Variants in CFAP97 observed in about 807,000 individuals in gnomAD.
CFAP97 encodes cilia- and flagella-associated protein 97.
Under a neutral mutation model 43.1 loss-of-function variants are expected in CFAP97, and 36 were observed. The observed-to-expected ratio is 0.84, with a 90% confidence interval of 0.64 to 1.10. The LOEUF (loss-of-function observed/expected upper bound fraction) is 1.10, where lower values mean the gene tolerates loss of function less well. Among genes scored for constraint, CFAP97 ranks in the 50% least tolerant of loss-of-function variants. The pLI, the probability that CFAP97 is intolerant of heterozygous loss-of-function variation, is 0.00. For synonymous variants in CFAP97, 228 were observed against 225.7 expected, an observed-to-expected ratio of 1.01 and a Z score of -0.09; for missense variants, 657 against 620.3, an observed-to-expected ratio of 1.06 and a Z score of -0.63.
chr4:185,206,096 T>C (rs550900327), upstream of CFAP97, among the ~76,000 whole-genome samples: 7 of 152,288 alleles, frequency 4.6e-5, no homozygotes, highest in South Asian at 1.5e-3. Context: ...TGGAAAATAG[T>C]ATGGCATGTT....
At chr4:185,210,057 C>A, upstream of CFAP97, 1 of 983,112 alleles carries the variant, frequency 1.0e-6, no homozygotes, top group Non-Finnish European at 1.2e-6. The surrounding 1 kb of genome is among the most constrained non-coding windows in gnomAD (Gnocchi z 4.4). Context: ...TGGGGCCCGG[C>A]AGCGGGGAGG....
intron 4 of CFAP97, 60 bp downstream of exon 4, chr4:185,163,969 T>C (rs995139455): frequency 6.7e-6 from 10 of 1,490,232 alleles, no homozygotes; most frequent in Middle Eastern, 1.8e-4. Flanking sequence ...ACATGTTACG[T>C]TTTTTTAAAA....
intron 1 of CFAP97, among the ~76,000 whole-genome samples, chr4:185,198,771 A>T (rs911235013): frequency 6.8e-6 from 1 of 147,820 alleles, no homozygotes; most frequent in Non-Finnish European, 1.5e-5. Context: ...CCTGGGCAAC[A>T]AGAGCGAAAC....
At chr4:185,171,891 C>T (rs1298359814) in intron 3 of CFAP97, among the ~76,000 whole-genome samples, 1 of 151,976 alleles carries the variant, frequency 6.6e-6, no homozygotes, top group Non-Finnish European at 1.5e-5. Flanking sequence ...CATGCATCAC[C>T]ACACCTGGCT....
chr4:185,182,831 G>A (rs982064120), intron 2 of CFAP97, among the ~76,000 whole-genome samples: 1 of 152,166 alleles, frequency 6.6e-6, no homozygotes, highest in Non-Finnish European at 1.5e-5. Context: ...TGGGCGTGGT[G>A]GCTCATGCCT....
chr4:185,202,751 C>T (rs1012229619), intron 1 of CFAP97, among the ~76,000 whole-genome samples: 3 of 152,126 alleles, frequency 2.0e-5, no homozygotes, highest in African/African-American at 7.2e-5. Flanking sequence ...GTGCATAGTC[C>T]GGTGCCTGTG....
chr4:185,180,231 A>G (rs1171450158), intron 2 of CFAP97, among the ~76,000 whole-genome samples: 4 of 152,156 alleles, frequency 2.6e-5, no homozygotes, highest in Non-Finnish European at 5.9e-5. Flanking sequence ...AAACCCTATC[A>G]GACAGGGCTA....
Position 185,170,060 on chromosome 4 carries a change from C to T in CFAP97, c.1320+5726G>A, listed in dbSNP as rs561417787. On this transcript the variant is annotated intron_variant, in intron 3 of 4. Coordinates refer to ENST00000458385, the MANE Select transcript of CFAP97 (RefSeq NM_020827.3). ...TCCACATAAGAGTTCTGAAGTTACTCCTACAGGCCAGGCACAGTGGCTCAC... is the reference window on the plus strand; with the variant it reads ...TCCACATAAGAGTTCTGAAGTTACTTCTACAGGCCAGGCACAGTGGCTCAC... 149 of 1,194,384 alleles carry T rather than the reference C, an allele frequency of 1.2e-4. No individual in the cohort carries two copies. In the African/African-American group the frequency reaches 2.1e-3, roughly 17 times the overall value. 74.0% of individuals were successfully genotyped at this position (1,194,384 alleles called of 1,614,324 possible).
chr4:185,203,245 G>A (rs1736984728), intron 1 of CFAP97, among the ~76,000 whole-genome samples: 1 of 152,140 alleles, frequency 6.6e-6, no homozygotes, highest in South Asian at 2.1e-4. Context: ...TTTTATCAAA[G>A]CTGCCTGAGA....
chr4:185,162,627 A>T lies in CFAP97; in HGVS notation c.*171T>A. ...ATCCTCAGGAAACACTTTTTACATTAAATCGTTTTTTGACAATAATTTTGC... is the reference window on the plus strand; with the variant it reads ...ATCCTCAGGAAACACTTTTTACATTTAATCGTTTTTTGACAATAATTTTGC... On this transcript the variant is annotated 3_prime_UTR_variant, in exon 5 of 5. Coordinates refer to ENST00000458385, the MANE Select transcript of CFAP97 (RefSeq NM_020827.3). The T allele has an allele frequency of 1.5e-6, 1 of 668,488 alleles. No individual in the cohort carries two copies. The highest frequency in any genetic ancestry group is 2.5e-6 in the Non-Finnish European group (1 of 404,636). The allele number at this position is 668,488 out of a possible 1,614,324, so 41.4% of individuals were successfully genotyped here. A position where few individuals can be genotyped will look rare whatever the true frequency, so the allele number is the denominator to read the frequency against.
chr4:185,184,346 G>C (rs2111369354), intron 2 of CFAP97, among the ~76,000 whole-genome samples: 1 of 152,322 alleles, frequency 6.6e-6, no homozygotes, highest in East Asian at 1.9e-4. Context: ...GGGTGAGCCT[G>C]CTTGGCCCAG....
At position 185,175,909 on chromosome 4, in the gene CFAP97, T is replaced by C. The variant is rs773079777; in HGVS notation, c.1197A>G (p.Ser399=). The part of the protein sequence containing the change: ...RENQRLLKEL[S]RQAEKPGSKS... ...TGCTTCCCGGCTTTTCCGCCTGTCT[T>C]GACAGTTCTTTCAAAAGCCTCTGAT... The change falls in exon 3 of 5, where the codon TCA becomes TCG. Residue 399 remains serine, a synonymous_variant. Transcript: ENST00000458385. The C allele has an allele frequency of 1.2e-6, 2 of 1,613,990 alleles. No individual in the cohort carries two copies. Among genetic ancestry groups the C allele is most frequent in the Non-Finnish European group, 1.7e-6 (2 of 1,179,900 alleles).
chr4:185,185,513 T>C (rs1735971682), intron 2 of CFAP97, among the ~76,000 whole-genome samples: 1 of 152,180 alleles, frequency 6.6e-6, no homozygotes, highest in Non-Finnish European at 1.5e-5. Flanking sequence ...AAAAATAGTA[T>C]TTTAGGTAAA....
At chr4:185,169,686 A>G (rs913938039) in intron 3 of CFAP97, 4 of 985,332 alleles carry the variant, frequency 4.1e-6, no homozygotes, top group Non-Finnish European at 4.8e-6. Context: ...TGATTTCTGC[A>G]GCCGTTAGCA....
upstream of CFAP97, among the ~76,000 whole-genome samples, chr4:185,208,203 G>A (rs3108238): frequency 0.45 from 68,622 of 151,628 alleles, 16,181 homozygotes; most frequent in East Asian, 0.59. Flanking sequence ...CCACCTCCGG[G>A]GTTCAAGTTT....
chr4:185,172,562 GAGAGA>G (rs1449820867), intron 3 of CFAP97, among the ~76,000 whole-genome samples: 3 of 152,142 alleles, frequency 2.0e-5, no homozygotes, highest in Non-Finnish European at 2.9e-5. Context: ...TCTGTCACTG[GAGAGA>G]GAGCAAATGA....
At chr4:185,172,850 CAAA>C (rs1159858914) in intron 3 of CFAP97, among the ~76,000 whole-genome samples, 642 of 52,682 alleles carry the variant, frequency 0.012, 3 homozygotes, top group African/African-American at 0.037. Context: ...CCCATCTCTA[CAAA>C]AAAAAAAAAA....
intron 1 of CFAP97, among the ~76,000 whole-genome samples, chr4:185,192,467 T>C (rs947088294): frequency 2.0e-5 from 3 of 152,150 alleles, no homozygotes; most frequent in Non-Finnish European, 1.5e-5. Context: ...TTTGTTTTTT[T>C]CCCTAGAGAC....
At chr4:185,169,786 AT>A in intron 3 of CFAP97, 1 of 985,500 alleles carries the variant, frequency 1.0e-6, no homozygotes, top group Non-Finnish European at 1.2e-6. Context: ...CACAGGCAGA[AT>A]CAAGACGACT....
Sources: allele counts gnomAD v4.1 joint callset (sites outside exome capture counted in the v4.1 genomes callset), GRCh38; gene constraint gnomAD v4.1.1; non-coding constraint Gnocchi (gnomAD v3.1); transcripts MANE v1.5; gene names NCBI Gene and HGNC (gene_info 2026-07-23, HGNC 2026-07-21).